Variants in FARS2 observed in about 807,000 individuals in gnomAD.
FARS2 encodes phenylalanine--tRNA ligase, mitochondrial.
A neutral mutation model predicts 46.4 loss-of-function variants in FARS2; 40 were observed. The observed-to-expected ratio is 0.86, with a 90% CI of 0.67 to 1.12. FARS2 has a LOEUF of 1.12. Among genes scored for constraint, FARS2 ranks in the 50% most tolerant of loss-of-function variants. The pLI is 0.00. For synonymous variants in FARS2, 234 were observed against 214.9 expected (o/e 1.09, Z -0.78); for missense variants, 513 against 567.9 (o/e 0.90, Z 0.98).
chr6:5,578,826 A>AAAAAAAAC (rs1561727276), intron 5 of FARS2, among the ~76,000 whole-genome samples: 3 of 142,518 alleles, frequency 2.1e-5, no homozygotes, highest in Non-Finnish European at 1.5e-5. Context: ...AAAAAAAAAA[A>AAAAAAAAC]AAAAAAACAA....
At chr6:5,752,541 C>G (rs1184645802) in intron 6 of FARS2, among the ~76,000 whole-genome samples, 1 of 152,162 alleles carries the variant, frequency 6.6e-6, no homozygotes, top group Non-Finnish European at 1.5e-5. Context: ...GCCAGGTCTC[C>G]CAGCCCCTGA....
At position 5,471,569 on chromosome 6, in the gene FARS2, T is replaced by C. The variant is rs1158014943; in HGVS notation, c.904+40397T>C. The stretch of plus-strand genomic sequence containing the variant: ...TACCACCTATTTTAAAATTAATCCC[T>C]TTTGTTAGATAGCTATTCTAGTGGC... On this transcript the variant is annotated intron_variant, in intron 4 of 6. Transcript: ENST00000274680. The surrounding 1 kb of genome is among the most constrained non-coding windows in gnomAD (Gnocchi z 4.1). 6.6e-6 allele frequency among the ~76,000 whole-genome samples: 1 copy of C among 152,232 alleles called. No homozygotes were observed. The highest frequency in any genetic ancestry group is 1.5e-5 in the Non-Finnish European group (1 of 68,048).
intron 4 of FARS2, among the ~76,000 whole-genome samples, chr6:5,541,999 T>G (rs971976390): frequency 3.9e-5 from 6 of 152,220 alleles, no homozygotes; most frequent in Admixed American, 2.0e-4. Flanking sequence ...TGGGAATGTC[T>G]TTTAGCATGC....
intron 5 of FARS2, among the ~76,000 whole-genome samples, chr6:5,581,598 A>G (rs918628753): frequency 4.6e-5 from 7 of 152,122 alleles, no homozygotes; most frequent in Non-Finnish European, 8.8e-5. Context: ...GCTTTGTTGA[A>G]ACTGCTGTTA....
chr6:5,271,562 T>TG (rs1446979597), intron 1 of FARS2, among the ~76,000 whole-genome samples: 1 of 142,166 alleles, frequency 7.0e-6, no homozygotes, highest in Admixed American at 7.0e-5. Flanking sequence ...CTATGTCTGT[T>TG]TTTTTTTTTT....
At chr6:5,411,767 G>A (rs970494682) in intron 3 of FARS2, among the ~76,000 whole-genome samples, 1 of 152,084 alleles carries the variant, frequency 6.6e-6, no homozygotes, top group Admixed American at 6.5e-5. Flanking sequence ...TATAAGAAAG[G>A]TTATCATTTT....
intron 6 of FARS2, among the ~76,000 whole-genome samples, chr6:5,713,404 T>C (rs571912954): frequency 6.6e-6 from 1 of 152,382 alleles, no homozygotes; most frequent in East Asian, 1.9e-4. Context: ...AATGTGTGAA[T>C]TCTGGATATT....
At chr6:5,716,751 A>G (rs1038698582) in intron 6 of FARS2, among the ~76,000 whole-genome samples, 1 of 152,196 alleles carries the variant, frequency 6.6e-6, no homozygotes, top group Non-Finnish European at 1.5e-5. Context: ...ACCAACATCT[A>G]CTGGCTTATT....
chr6:5,479,366 A>T (rs1044370882), intron 4 of FARS2, among the ~76,000 whole-genome samples: 2 of 152,204 alleles, frequency 1.3e-5, no homozygotes, highest in African/African-American at 4.8e-5. Flanking sequence ...GAGAGGCAAC[A>T]TGACATAGAG....
At chr6:5,321,256 C>G (rs1348522574) in intron 1 of FARS2, among the ~76,000 whole-genome samples, 2 of 152,168 alleles carry the variant, frequency 1.3e-5, no homozygotes, top group African/African-American at 4.8e-5. Context: ...TTGTGTTTTT[C>G]ATGATGCTTA....
chr6:5,730,473 C>T (rs1760550879), intron 6 of FARS2, among the ~76,000 whole-genome samples: 1 of 151,620 alleles, frequency 6.6e-6, no homozygotes, highest in Admixed American at 6.6e-5. Flanking sequence ...CTTACCGAGT[C>T]CTAGATCTAT....
At chr6:5,273,002 C>A (rs1211315592) in intron 1 of FARS2, among the ~76,000 whole-genome samples, 1 of 152,170 alleles carries the variant, frequency 6.6e-6, no homozygotes, top group Non-Finnish European at 1.5e-5. Flanking sequence ...TTTTCTATAG[C>A]TGAATAATGC....
chr6:5,517,961 G>C (rs75692099), intron 4 of FARS2, among the ~76,000 whole-genome samples: 1 of 152,190 alleles, frequency 6.6e-6, no homozygotes, highest in Non-Finnish European at 1.5e-5. Context: ...AGGAGTTGAC[G>C]GTTCAGAGAG....
At chr6:5,717,923 T>TAGAGAGAGAGAGAG (rs1240643852) in intron 6 of FARS2, among the ~76,000 whole-genome samples, 9 of 31,242 alleles carry the variant, frequency 2.9e-4, no homozygotes, top group African/African-American at 2.1e-3. Context: ...TATATATATA[T>TAGAGAGAGAGAGAG]ATATATATAT....
At chr6:5,410,865 T>G (rs1036197979) in intron 3 of FARS2, among the ~76,000 whole-genome samples, 1 of 152,158 alleles carries the variant, frequency 6.6e-6, no homozygotes, top group African/African-American at 2.4e-5. Flanking sequence ...CTTTAAAAAT[T>G]TTTAAACCAT....
At chr6:5,631,555 T>G (rs1237946857) in intron 6 of FARS2, among the ~76,000 whole-genome samples, 11 of 152,230 alleles carry the variant, frequency 7.2e-5, no homozygotes, top group African/African-American at 2.7e-4. Flanking sequence ...GCCAGGGCCC[T>G]CTAAGGCAGG....
At chr6:5,340,460 T>C (rs1012009336) in intron 1 of FARS2, among the ~76,000 whole-genome samples, 5 of 152,224 alleles carry the variant, frequency 3.3e-5, no homozygotes, top group African/African-American at 1.2e-4. Flanking sequence ...CAGAATACTT[T>C]TGTAAGAATA....
At chr6:5,483,995 G>A (rs181842860) in intron 4 of FARS2, among the ~76,000 whole-genome samples, 25 of 152,162 alleles carry the variant, frequency 1.6e-4, no homozygotes, top group Admixed American at 1.4e-3. Context: ...AATAGCTACT[G>A]AGGAGGCTGA....
Position 5,381,983 on chromosome 6 carries a change from C to T in FARS2, c.612+12801C>T, listed in dbSNP as rs969461743. ...GTTTCTGTTTAGAAAGCTGGTGAGG[C>T]GGACAGATAGCCAAAGAGCAGACTC... On this transcript the variant is annotated intron_variant, in intron 2 of 6. Coordinates refer to ENST00000274680, the MANE Select transcript of FARS2 (RefSeq NM_006567.5). Among the ~76,000 whole-genome samples, 36 of 152,276 alleles carry T rather than the reference C, an allele frequency of 2.4e-4. 2 individuals are homozygous for T. The highest frequency in any genetic ancestry group is 7.5e-4 in the African/African-American group (31 of 41,548).
Sources: allele counts gnomAD v4.1 joint callset (sites outside exome capture counted in the v4.1 genomes callset), GRCh38; gene constraint gnomAD v4.1.1; non-coding constraint Gnocchi (gnomAD v3.1); transcripts MANE v1.5; gene names NCBI Gene and HGNC (gene_info 2026-07-23, HGNC 2026-07-21).